TANC2: variants seen among roughly 807,000 people sequenced by gnomAD.
TANC2 encodes protein TANC2.
TANC2 carries 26 observed loss-of-function variants against 210.5 expected under a neutral mutation model. The observed-to-expected ratio is 0.12, with a 90% confidence interval of 0.09 to 0.17. The LOEUF (loss-of-function observed/expected upper bound fraction) is 0.17, where lower values mean the gene tolerates loss of function less well. TANC2 is among the 10% of genes least tolerant of loss of function. TANC2 has a pLI of 1.00. For missense variants in TANC2, 2,129 were observed against 2,608.9 expected (o/e 0.82, Z 4.01); for synonymous variants, 931 against 967.1 (o/e 0.96, Z 0.69).
intron 5 of TANC2, among the ~76,000 whole-genome samples, chr17:63,190,729 T>TC (rs1040537473): frequency 4.0e-5 from 6 of 151,692 alleles, no homozygotes; most frequent in African/African-American, 7.3e-5. Flanking sequence ...TAATGCACCC[T>TC]CCCCCCTGCA....
rs200973824 is a variant in TANC2, at chr17:63,314,608, C to G, written c.1380C>G (p.Leu460=). 9.3e-4 allele frequency: 1,505 copies of G among 1,614,006 alleles called. 1 individual carries two copies. Among genetic ancestry groups the G allele is most frequent in the Non-Finnish European group, 1.2e-3 (1,360 of 1,179,866 alleles). The change falls in exon 10 of 28, where the codon CTC becomes CTG. Residue 460 remains leucine (L), a synonymous_variant. Transcript: ENST00000689528. ...CCATCATCTCCAGACTGGTGGCCCTCAGCTGCCATGGTACAAGGATGAGAC... is the reference window on the plus strand; with the variant it reads ...CCATCATCTCCAGACTGGTGGCCCTGAGCTGCCATGGTACAAGGATGAGAC...
intron 11 of TANC2, among the ~76,000 whole-genome samples, chr17:63,332,996 A>G (rs1598874781): frequency 6.6e-6 from 1 of 152,090 alleles, no homozygotes; most frequent in East Asian, 1.9e-4. Flanking sequence ...TCAAAATACT[A>G]CTCCTCATGG....
intron 15 of TANC2, among the ~76,000 whole-genome samples, chr17:63,382,069 G>C (rs539823791): frequency 6.6e-6 from 1 of 152,120 alleles, no homozygotes; most frequent in East Asian, 1.9e-4. Flanking sequence ...CCAAACTGAC[G>C]CTCTTTTCTC....
intron 5 of TANC2, among the ~76,000 whole-genome samples, chr17:63,180,141 C>A (rs1244827314): frequency 6.6e-6 from 1 of 152,078 alleles, no homozygotes; most frequent in South Asian, 2.1e-4. Context: ...CTCAAAAAAA[C>A]AAAAAACAAA....
intron 2 of TANC2, among the ~76,000 whole-genome samples, chr17:63,045,751 G>A (rs2035353342): frequency 6.6e-6 from 1 of 151,962 alleles, no homozygotes. Flanking sequence ...ATTTGCATAT[G>A]AGTCTTTTCT....
At chr17:63,355,485 A>C in intron 14 of TANC2, 95 bp downstream of exon 14, 1 of 1,314,320 alleles carries the variant, frequency 7.6e-7, no homozygotes. Flanking sequence ...TTCATTGAAC[A>C]TTTCACATAG....
At chr17:63,145,399 T>A (rs2039431466) in intron 4 of TANC2, among the ~76,000 whole-genome samples, 1 of 152,186 alleles carries the variant, frequency 6.6e-6, no homozygotes, top group Admixed American at 6.5e-5. Flanking sequence ...GTTATAAGAT[T>A]CTGCATATGA....
chr17:63,271,436 C>CTTTTTTTTTTT, intron 9 of TANC2, among the ~76,000 whole-genome samples: 1 of 141,822 alleles, frequency 7.1e-6, no homozygotes, highest in Non-Finnish European at 1.5e-5. Context: ...AGCTCTTTTT[C>CTTTTTTTTTTT]TTTTTTTTTT....
At chr17:63,341,042 GT>G (rs2046213480) in intron 12 of TANC2, among the ~76,000 whole-genome samples, 1 of 152,142 alleles carries the variant, frequency 6.6e-6, no homozygotes, top group Non-Finnish European at 1.5e-5. Flanking sequence ...TCTTAACAAT[GT>G]TTTGTTAGTG....
intron 3 of TANC2, among the ~76,000 whole-genome samples, chr17:63,078,513 T>G (rs982483783): frequency 6.6e-6 from 1 of 152,158 alleles, no homozygotes; most frequent in African/African-American, 2.4e-5. Flanking sequence ...GTCATTGATA[T>G]GAAAGCTTTC....
At chr17:63,376,012 G>A (rs1598973670) in intron 14 of TANC2, among the ~76,000 whole-genome samples, 2 of 150,984 alleles carry the variant, frequency 1.3e-5, no homozygotes, top group South Asian at 4.2e-4. Flanking sequence ...GCTTGAACGT[G>A]GGAAGTGGAG....
In TANC2 at chr17:63,394,333, C is replaced by A. The variant is rs147530472; in HGVS notation, c.3052-1410C>A. Among the ~76,000 whole-genome samples, 327 of 152,234 alleles carry A rather than the reference C, an allele frequency of 2.1e-3. 1 individual carries two copies. The highest frequency in any genetic ancestry group is 7.2e-3 in the African/African-American group (298 of 41,538). On this transcript the variant is annotated intron_variant, in intron 17 of 27. Transcript: ENST00000689528. The stretch of plus-strand genomic sequence containing the variant: ...CATTGGGAACTCCTTCAAACTGATT[C>A]CTGTGTCCTTTCAACTTCCCTCTAT...
chr17:63,183,523 A>T (rs2040864453), intron 5 of TANC2, among the ~76,000 whole-genome samples: 1 of 152,194 alleles, frequency 6.6e-6, no homozygotes, highest in African/African-American at 2.4e-5. Flanking sequence ...TAAAAACTAA[A>T]GTTTGAGAGG....
intron 9 of TANC2, among the ~76,000 whole-genome samples, chr17:63,308,833 A>G (rs1334182668): frequency 1.3e-5 from 2 of 152,218 alleles, no homozygotes; most frequent in African/African-American, 4.8e-5. Context: ...ATAACAACCA[A>G]TTCATTTTGC....
chr17:63,007,119 C>T (rs1410876549), intron 1 of TANC2, among the ~76,000 whole-genome samples: 2 of 151,732 alleles, frequency 1.3e-5, no homozygotes, highest in African/African-American at 2.4e-5. Flanking sequence ...GTTCTAGCTA[C>T]TTGGGTGGCT....
At chr17:63,308,798 T>G (rs1415580144) in intron 9 of TANC2, among the ~76,000 whole-genome samples, 1 of 152,174 alleles carries the variant, frequency 6.6e-6, no homozygotes, top group Non-Finnish European at 1.5e-5. Context: ...TGATAAAATA[T>G]TTGCTTATTT....
chr17:63,281,266 C>T (rs1390020446), intron 9 of TANC2, among the ~76,000 whole-genome samples: 4 of 152,032 alleles, frequency 2.6e-5, no homozygotes, highest in African/African-American at 7.2e-5. Flanking sequence ...GGCAGAAAGC[C>T]ACAGCTTTAC....
chr17:63,039,178 T>C (rs1194468083), intron 2 of TANC2, among the ~76,000 whole-genome samples: 3 of 152,198 alleles, frequency 2.0e-5, no homozygotes, highest in East Asian at 3.8e-4. Context: ...TTAAGACATA[T>C]CGTGTTAGTC....
exon 28 of TANC2, chr17:63,422,774 G>T (rs1315835010): frequency 1.3e-5 from 2 of 152,220 alleles, no homozygotes; most frequent in African/African-American, 2.4e-5. Context: ...TTTCCAGGGT[G>T]GGGGAGGGAA....
Sources: gnomAD v4.1 joint callset for allele counts (sites outside exome capture counted in the v4.1 genomes callset) on GRCh38, gnomAD v4.1.1 for gene constraint, MANE v1.5 for transcripts, NCBI Gene and HGNC (gene_info 2026-07-23, HGNC 2026-07-21) for gene names.